The following ABCA13 variants were observed in gnomAD, a reference collection of about 807,000 sequenced individuals.
ABCA13 encodes the protein ATP-binding cassette sub-family A member 13.
ABCA13 carries 476 observed loss-of-function variants against 478.7 expected under a neutral mutation model. The ratio of observed to expected loss-of-function variants is 0.99; its 90% confidence interval spans 0.92 to 1.07. The LOEUF is 1.07. Ranked by LOEUF, ABCA13 falls within the 50% of genes least tolerant of loss-of-function variation. ABCA13 has a pLI of 0.00. For synonymous variants in ABCA13, 2,252 were observed against 2,158.9 expected (o/e 1.04, Z -1.20); for missense variants, 6,060 against 5,910.6 (o/e 1.03, Z -0.83).
chr7:48,560,600 A>G (rs1786358026), intron 55 of ABCA13, among the ~76,000 whole-genome samples: 1 of 152,176 alleles, frequency 6.6e-6, no homozygotes. Context: ...CCATTCTACC[A>G]TCTTGTTCCA....
chr7:48,335,941 C>G (rs1221786534), intron 28 of ABCA13, among the ~76,000 whole-genome samples: 1 of 152,176 alleles, frequency 6.6e-6, no homozygotes, highest in African/African-American at 2.4e-5. Context: ...TAGAGTCTGA[C>G]AATCATTAAT....
chr7:48,284,204 C>A (rs1268347541), intron 19 of ABCA13, among the ~76,000 whole-genome samples: 1 of 152,056 alleles, frequency 6.6e-6, no homozygotes, highest in Non-Finnish European at 1.5e-5. Flanking sequence ...GTTGTTTGAA[C>A]AGAAGAATTG....
intron 55 of ABCA13, among the ~76,000 whole-genome samples, chr7:48,561,818 T>C (rs1221221402): frequency 6.7e-6 from 1 of 149,438 alleles, no homozygotes; most frequent in African/African-American, 2.5e-5. Context: ...AGTCATGTAG[T>C]TTTTTCTCCT....
At chr7:48,293,900 T>C (rs1798943437) in intron 20 of ABCA13, among the ~76,000 whole-genome samples, 1 of 152,138 alleles carries the variant, frequency 6.6e-6, no homozygotes, top group Admixed American at 6.5e-5. Context: ...CCCCAGAGTC[T>C]TAGGAGCCTC....
At chr7:48,339,012 T>C (rs1806703244) in intron 29 of ABCA13, among the ~76,000 whole-genome samples, 1 of 152,152 alleles carries the variant, frequency 6.6e-6, no homozygotes, top group Non-Finnish European at 1.5e-5. Context: ...AAGATGACCA[T>C]GCTTAGAAAC....
intron 15 of ABCA13, among the ~76,000 whole-genome samples, chr7:48,265,798 G>A (rs1028292654): frequency 2.0e-5 from 3 of 151,362 alleles, no homozygotes; most frequent in Admixed American, 1.3e-4. Flanking sequence ...GTATAATATG[G>A]AATAGAAATG....
chr7:48,227,846 A>T (rs534570366), intron 6 of ABCA13, among the ~76,000 whole-genome samples: 1 of 152,302 alleles, frequency 6.6e-6, no homozygotes, highest in South Asian at 2.1e-4. Flanking sequence ...AATTTCAACT[A>T]ATTTCTTAAG....
intron 48 of ABCA13, among the ~76,000 whole-genome samples, chr7:48,500,745 C>A (rs917402819): frequency 6.6e-6 from 1 of 152,174 alleles, no homozygotes; most frequent in African/African-American, 2.4e-5. Flanking sequence ...AGCTCCAGGG[C>A]AGCCCTGTAG....
intron 59 of ABCA13, among the ~76,000 whole-genome samples, chr7:48,615,912 C>A (rs1792524302): frequency 1.3e-5 from 2 of 152,234 alleles, no homozygotes; most frequent in Admixed American, 1.3e-4. Context: ...CTTTATATTT[C>A]TTCCTGGTTA....
chr7:48,352,261 A>G lies in ABCA13; in HGVS notation c.10462A>G (p.Ile3488Val), dbSNP rs1478051450. ...ACTGCCACCCCATGTCTCATACACAATCCGGACCAATGTGTTATACAGCGT... is the reference window on the plus strand; with the variant it reads ...ACTGCCACCCCATGTCTCATACACAGTCCGGACCAATGTGTTATACAGCGT... ...VKLPPHVSYTIRTNVLYSVRT... is the reference protein window; with the variant it reads ...VKLPPHVSYTVRTNVLYSVRT... Residue 3488 changes from isoleucine to valine, a missense_variant, in exon 31 of 62, where the codon ATC (isoleucine) becomes GTC (valine). Physicochemically the swap from Ile to Val is conservative, Grantham distance 29. Around this residue, in one of 3 missense-constraint regions of ABCA13, gnomAD observed 4,423 missense variants for 4,309.1 expected, o/e 1.03. Transcript: ENST00000435803. 3 of 1,613,804 alleles carry G rather than the reference A, an allele frequency of 1.9e-6. No individual in the cohort carries two copies. Among genetic ancestry groups the G allele is most frequent in the South Asian group, 1.1e-5 (1 of 91,074 alleles).
intron 1 of ABCA13, among the ~76,000 whole-genome samples, chr7:48,181,279 G>GT (rs1476507667): frequency 6.6e-6 from 1 of 152,052 alleles, no homozygotes; most frequent in Non-Finnish European, 1.5e-5. Flanking sequence ...CTTTCCAATT[G>GT]TGTCATTAGA....
At chr7:48,478,233 CAT>C (rs1436138506) in intron 45 of ABCA13, among the ~76,000 whole-genome samples, 4 of 145,562 alleles carry the variant, frequency 2.7e-5, no homozygotes, top group African/African-American at 1.0e-4. Flanking sequence ...ATTATATATA[CAT>C]ATATAATATT....
intron 44 of ABCA13, among the ~76,000 whole-genome samples, chr7:48,467,746 A>G (rs1165119756): frequency 6.6e-6 from 1 of 152,214 alleles, no homozygotes; most frequent in African/African-American, 2.4e-5. Flanking sequence ...ATAATGATTT[A>G]TTAAGTGCCA....
In ABCA13 at chr7:48,195,619, G is replaced by A. The variant is rs1476790961; in HGVS notation, c.163+2567G>A. The stretch of plus-strand genomic sequence containing the variant: ...TCAGCATGACCATCCTGAATTTGAG[G>A]GACTCTTGTGATTGTCAGAGTGAGT... On this transcript the variant is annotated intron_variant, in intron 2 of 61. Transcript: ENST00000435803. Among the ~76,000 whole-genome samples, 7 of 152,066 alleles carry A rather than the reference G, an allele frequency of 4.6e-5. No homozygotes were observed. The East Asian group carries it at 1.4e-3, about 29-fold the overall frequency.
chr7:48,420,357 T>C (rs1337715529), intron 41 of ABCA13, among the ~76,000 whole-genome samples: 1 of 152,224 alleles, frequency 6.6e-6, no homozygotes, highest in Non-Finnish European at 1.5e-5. Context: ...AGGACAATCC[T>C]GGCAAGTTAC....
chr7:48,614,114 A>G (rs1019168657), intron 58 of ABCA13, among the ~76,000 whole-genome samples: 1 of 150,290 alleles, frequency 6.7e-6, no homozygotes, highest in African/African-American at 2.4e-5. Context: ...TAATTTTCAT[A>G]TTATAACAGT....
At chr7:48,271,468 C>T (rs1795595827) in intron 16 of ABCA13, among the ~76,000 whole-genome samples, 1 of 152,124 alleles carries the variant, frequency 6.6e-6, no homozygotes, top group Non-Finnish European at 1.5e-5. Flanking sequence ...GGAATTAAAT[C>T]CTAAGATTCT....
chr7:48,297,357 A>G, intron 22 of ABCA13, 46 bp downstream of exon 22: 4 of 1,477,188 alleles, frequency 2.7e-6, no homozygotes, highest in Non-Finnish European at 3.7e-6. Flanking sequence ...AATTAAATTT[A>G]GTTTCTCATG....
rs746535866 is a variant in ABCA13 at position 48,273,921 on chromosome 7, A to G, written c.4255A>G (p.Asn1419Asp). The part of the protein sequence containing the change: ...NSSFSQGHLQ[N>D]ILGNFRDIEN... ...CAGTTTTTCACAAGGTCATCTTCAA[A>G]ATATTTTGGGGAATTTCAGAGATAT... Residue 1419 changes from asparagine (N) to aspartate (D), a missense_variant, in exon 17 of 62, where the codon AAT becomes GAT. Asn to Asp is a conservative substitution (Grantham distance 23, BLOSUM62 1). Around this residue, in one of 3 missense-constraint regions of ABCA13, gnomAD observed 4,423 missense variants for 4,309.1 expected, o/e 1.03. Coordinates refer to ENST00000435803, the MANE Select transcript of ABCA13 (RefSeq NM_152701.5). The G allele has an allele frequency of 6.2e-7, 1 of 1,612,904 alleles. No individual in the cohort carries two copies. The highest frequency in any genetic ancestry group is 1.1e-5 in the South Asian group (1 of 91,000).
Sources: allele counts gnomAD v4.1 joint callset (sites outside exome capture counted in the v4.1 genomes callset), GRCh38; gene constraint gnomAD v4.1.1; regional missense constraint gnomAD v4.1.1; transcripts MANE v1.5; gene names NCBI Gene and HGNC (gene_info 2026-07-23, HGNC 2026-07-21).